The following GABRG3 variants were observed in gnomAD, a reference collection of about 807,000 sequenced individuals.
GABRG3 encodes gamma-aminobutyric acid receptor subunit gamma-3.
In GABRG3, 25 loss-of-function variants were observed where a neutral mutation model predicts 48.8. That is an observed-to-expected ratio of 0.51 (90% CI 0.37 to 0.72). The LOEUF (loss-of-function observed/expected upper bound fraction) is 0.72, where lower values mean the gene tolerates loss of function less well. Among genes scored for constraint, GABRG3 ranks in the 30% least tolerant of loss-of-function variants. The pLI is 0.00. For missense variants in GABRG3, 394 were observed against 577.9 expected (o/e 0.68, Z 3.26); for synonymous variants, 227 against 217.6 (o/e 1.04, Z -0.38).
chr15:27,316,776 G>A (rs1051067852), intron 3 of GABRG3, among the ~76,000 whole-genome samples: 4 of 152,128 alleles, frequency 2.6e-5, no homozygotes, highest in Non-Finnish European at 4.4e-5. Context: ...TCATTAAATG[G>A]TGCTTTTAAT....
intron 3 of GABRG3, among the ~76,000 whole-genome samples, chr15:27,308,609 A>G (rs1595665418): frequency 7.9e-6 from 1 of 126,906 alleles, no homozygotes; most frequent in Admixed American, 7.9e-5. Flanking sequence ...CATAATGTAA[A>G]CATACGCTTA....
At chr15:27,501,465 G>A (rs2150854299) in intron 6 of GABRG3, among the ~76,000 whole-genome samples, 1 of 152,226 alleles carries the variant, frequency 6.6e-6, no homozygotes, top group East Asian at 2.0e-4. Context: ...GAGCCTCAAT[G>A]TCAGTCACCT....
intron 7 of GABRG3, among the ~76,000 whole-genome samples, chr15:27,523,752 A>C (rs1891211450): frequency 6.6e-6 from 1 of 152,004 alleles, no homozygotes; most frequent in Admixed American, 6.5e-5. Flanking sequence ...TTAACAAAAG[A>C]AGATAAGACA....
Position 27,023,862 on chromosome 15 carries a change from T to C in GABRG3, c.203-2892T>C, listed in dbSNP as rs373875374. ...CATATGGTAATTGTATTTTTAGTTTTTTGAGGAATCATCCTACTATTTTCC... is the reference window on the plus strand; with the variant it reads ...CATATGGTAATTGTATTTTTAGTTTCTTGAGGAATCATCCTACTATTTTCC... On this transcript the variant is annotated intron_variant, in intron 2 of 9. Transcript: ENST00000615808. 1.1e-4 allele frequency among the ~76,000 whole-genome samples: 17 copies of C among 152,348 alleles called. No individual in the cohort carries two copies. In the South Asian group the frequency reaches 2.1e-3, roughly 19 times the overall value.
intron 3 of GABRG3, among the ~76,000 whole-genome samples, chr15:27,251,963 G>A (rs1890470678): frequency 6.6e-6 from 1 of 152,198 alleles, no homozygotes; most frequent in South Asian, 2.1e-4. Context: ...GAGCCTGCGG[G>A]GACTTACCTG....
At chr15:27,499,000 T>C (rs1198891131) in intron 6 of GABRG3, among the ~76,000 whole-genome samples, 1 of 152,178 alleles carries the variant, frequency 6.6e-6, no homozygotes, top group Non-Finnish European at 1.5e-5. Context: ...CCTTTGGCTG[T>C]AATGTGGGAA....
Position 27,535,253 on chromosome 15 carries a change from A to G in GABRG3, c.*2372A>G, listed in dbSNP as rs1430244518. ...GTAAACGAAGTTCTGGAGAGAACTG[A>G]ATTTTCTAGAAAAATTCTTATTGGG... On this transcript the variant is annotated 3_prime_UTR_variant, in exon 10 of 10. Transcript: ENST00000615808. 6.6e-6 allele frequency: 1 copy of G among 152,228 alleles called. No individual in the cohort carries two copies. Among genetic ancestry groups the G allele is most frequent in the Non-Finnish European group, 1.5e-5 (1 of 68,046 alleles). 9.4% of individuals were successfully genotyped at this position (152,228 alleles called of 1,614,324 possible). A position where few individuals can be genotyped will look rare whatever the true frequency, so the allele number is the denominator to read the frequency against.
intron 3 of GABRG3, among the ~76,000 whole-genome samples, chr15:27,192,618 A>G (rs894635958): frequency 1.4e-4 from 21 of 152,042 alleles, no homozygotes; most frequent in Admixed American, 1.4e-3. Flanking sequence ...TTCTAGTTAT[A>G]CATTCGTCTA....
intron 5 of GABRG3, among the ~76,000 whole-genome samples, chr15:27,409,447 A>G (rs1887734447): frequency 6.6e-6 from 1 of 152,064 alleles, no homozygotes; most frequent in South Asian, 2.1e-4. Flanking sequence ...TGTTTCATTG[A>G]TCTGTGTATG....
intron 5 of GABRG3, among the ~76,000 whole-genome samples, chr15:27,397,090 T>G (rs1007087869): frequency 1.3e-5 from 2 of 152,080 alleles, no homozygotes; most frequent in Non-Finnish European, 2.9e-5. Context: ...TACATAAACT[T>G]TAAAAAAATC....
chr15:27,155,535 A>T (rs768218788), intron 3 of GABRG3, among the ~76,000 whole-genome samples: 1 of 152,154 alleles, frequency 6.6e-6, no homozygotes, highest in Non-Finnish European at 1.5e-5. Context: ...GCAACAGTCT[A>T]TCTTATTTAA....
intron 5 of GABRG3, among the ~76,000 whole-genome samples, chr15:27,461,573 T>C (rs559168348): frequency 2.6e-5 from 4 of 152,212 alleles, no homozygotes; most frequent in Non-Finnish European, 4.4e-5. Flanking sequence ...TTGTCACTGC[T>C]GGCATGGGTG....
At chr15:27,084,796 AGGCCAGGGTCTCCAGGGG>A (rs1347785977) in intron 3 of GABRG3, among the ~76,000 whole-genome samples, 2 of 152,200 alleles carry the variant, frequency 1.3e-5, no homozygotes, top group Non-Finnish European at 2.9e-5. Context: ...AGAAGCCAGG[AGGCCAGGGTCTCCAGGGG>A]GGTGCCACTC....
At chr15:27,220,922 C>T (rs771663185) in intron 3 of GABRG3, among the ~76,000 whole-genome samples, 43 of 152,004 alleles carry the variant, frequency 2.8e-4, no homozygotes, top group Non-Finnish European at 4.9e-4. Flanking sequence ...GTATTCAGTT[C>T]GATCTTCAGA....
At chr15:27,162,283 G>A (rs1250702532) in intron 3 of GABRG3, among the ~76,000 whole-genome samples, 1 of 152,206 alleles carries the variant, frequency 6.6e-6, no homozygotes, top group Non-Finnish European at 1.5e-5. Flanking sequence ...GCTGAGTGTA[G>A]CATTTGGTAC....
At chr15:27,380,456 A>AT (rs921598648) in intron 5 of GABRG3, among the ~76,000 whole-genome samples, 25 of 151,546 alleles carry the variant, frequency 1.6e-4, no homozygotes, top group African/African-American at 2.4e-4. Context: ...ATGCCTTATA[A>AT]TTTTTTTTAT....
intron 3 of GABRG3, among the ~76,000 whole-genome samples, chr15:27,099,000 C>T (rs890320406): frequency 2.0e-5 from 3 of 152,046 alleles, no homozygotes; most frequent in African/African-American, 7.2e-5. Context: ...GTAATATGTC[C>T]AAAGTGCCGA....
intron 6 of GABRG3, among the ~76,000 whole-genome samples, chr15:27,516,085 A>G (rs1016339266): frequency 6.6e-6 from 1 of 151,240 alleles, no homozygotes; most frequent in Non-Finnish European, 1.5e-5. Flanking sequence ...ACAAGATGTT[A>G]TCTAGCAGCC....
chr15:27,427,523 G>T (rs1158534458), intron 5 of GABRG3, among the ~76,000 whole-genome samples: 1 of 152,104 alleles, frequency 6.6e-6, no homozygotes, highest in Non-Finnish European at 1.5e-5. Context: ...GCTTCATGTA[G>T]GCCTGACACA....
Sources: allele counts gnomAD v4.1 joint callset (sites outside exome capture counted in the v4.1 genomes callset), GRCh38; gene constraint gnomAD v4.1.1; transcripts MANE v1.5; gene names NCBI Gene and HGNC (gene_info 2026-07-23, HGNC 2026-07-21).